Variants in TRHDE observed in about 807,000 individuals in gnomAD.
TRHDE encodes thyrotropin releasing hormone degrading enzyme, also known as thyrotropin-releasing hormone-degrading ectoenzyme.
TRHDE carries 72 observed loss-of-function variants against 125.7 expected under a neutral mutation model. The observed-to-expected ratio is 0.57, with a 90% CI of 0.47 to 0.70. The LOEUF (loss-of-function observed/expected upper bound fraction) is 0.70, where lower values mean the gene tolerates loss of function less well. Among genes scored for constraint, TRHDE ranks in the 30% least tolerant of loss-of-function variants. The pLI, the probability that TRHDE is intolerant of heterozygous loss-of-function variation, is 0.00. For missense variants in TRHDE, 1,110 were observed against 1,327.1 expected, an observed-to-expected ratio of 0.84 and a Z score of 2.54; for synonymous variants, 509 against 509.1, an observed-to-expected ratio of 1.00 and a Z score of 0.00.
intron 1 of TRHDE, among the ~76,000 whole-genome samples, chr12:72,096,341 G>C (rs1043635060): frequency 6.6e-6 from 1 of 152,106 alleles, no homozygotes; most frequent in Non-Finnish European, 1.5e-5. Context: ...ACACAAAGAG[G>C]CTTCTCTTTT....
At chr12:72,552,095 A>G (rs1402426593) in intron 7 of TRHDE, among the ~76,000 whole-genome samples, 1 of 152,170 alleles carries the variant, frequency 6.6e-6, no homozygotes. Flanking sequence ...GTCTGTGCTA[A>G]GAAGATTCCA....
At chr12:72,239,053 G>A (rs1878421188) in intron 2 of TRHDE, among the ~76,000 whole-genome samples, 1 of 152,156 alleles carries the variant, frequency 6.6e-6, no homozygotes, top group Admixed American at 6.5e-5. Context: ...TCCAGCATCT[G>A]TTGTTTCCTG....
chr12:72,191,893 C>G (rs1877348197), intron 2 of TRHDE, among the ~76,000 whole-genome samples: 1 of 152,016 alleles, frequency 6.6e-6, no homozygotes. Flanking sequence ...AAACAGAATC[C>G]TCCCACTGAA....
chr12:72,274,349 T>C (rs1218773751), intron 1 of TRHDE, among the ~76,000 whole-genome samples: 1 of 152,232 alleles, frequency 6.6e-6, no homozygotes, highest in Admixed American at 6.5e-5. Context: ...TTAGTGTCTT[T>C]GCCGCGTTTT....
Position 72,378,107 on chromosome 12 carries a change from C to A in TRHDE, c.1301C>A (p.Ser434Tyr). ...GAAGACTACTTTAAAGTGCCCTATT[C>A]CTTGCCAAAACTAGGTAAGAATTTT... ...FYEDYFKVPYSLPKLDLLAVP... is the reference protein window; with the variant it reads ...FYEDYFKVPYYLPKLDLLAVP... The change falls in exon 3 of 19, where the codon TCC (serine) becomes TAC (tyrosine). Residue 434 changes from serine (S) to tyrosine (Y), a missense_variant. Transcript: ENST00000261180. 6.3e-7 allele frequency: 1 copy of A among 1,576,558 alleles called. No homozygotes were observed. Among genetic ancestry groups the A allele is most frequent in the South Asian group, 1.2e-5 (1 of 83,056 alleles).
At position 72,630,522 on chromosome 12, in the gene TRHDE, A is replaced by T. The variant is rs186830810; in HGVS notation, c.2675+8771A>T. 3.9e-3 allele frequency among the ~76,000 whole-genome samples: 597 copies of T among 151,860 alleles called. 13 individuals carry two copies. Among genetic ancestry groups the T allele is most frequent in the Admixed American group, 0.031 (467 of 15,196 alleles). The stretch of plus-strand genomic sequence containing the variant: ...GATTTCAAGCCACCAAGTTTATGGT[A>T]ATTTATTTGGCAGCTCTAGAAAACT... On this transcript the variant is annotated intron_variant, in intron 15 of 18. Coordinates refer to ENST00000261180, the MANE Select transcript of TRHDE (RefSeq NM_013381.3).
chr12:72,379,340 T>G (rs1261382824), intron 3 of TRHDE, among the ~76,000 whole-genome samples: 1 of 152,250 alleles, frequency 6.6e-6, no homozygotes, highest in East Asian at 1.9e-4. Flanking sequence ...AAATTTTATT[T>G]TAAACCGGAT....
rs1874522724 is a variant in TRHDE at position 72,651,930 on chromosome 12, C to T, written c.2676-392C>T. ...CGTTCTATCCAAATTAATTAGTGTC[C>T]TCAACTGGTACTTTCTTGACATTCT... On this transcript the variant is annotated intron_variant, in intron 15 of 18. Coordinates refer to ENST00000261180, the MANE Select transcript of TRHDE (RefSeq NM_013381.3). Among the ~76,000 whole-genome samples, 3 of 151,782 alleles carry T rather than the reference C, an allele frequency of 2.0e-5. No individual in the cohort carries two copies. The South Asian group carries it at 6.2e-4, about 31-fold the overall frequency.
intron 7 of TRHDE, among the ~76,000 whole-genome samples, chr12:72,544,530 C>G (rs1869315580): frequency 6.6e-6 from 1 of 151,170 alleles, no homozygotes; most frequent in Non-Finnish European, 1.5e-5. Context: ...TGTTTTTATT[C>G]TCCCCCCTTT....
chr12:72,480,513 A>G (rs1231925123), intron 5 of TRHDE, among the ~76,000 whole-genome samples: 1 of 152,186 alleles, frequency 6.6e-6, no homozygotes, highest in African/African-American at 2.4e-5. Context: ...GAGATTTAAA[A>G]TGAATGAGTA....
rs1430894789 is a variant in TRHDE, at chr12:72,666,859, C to A, written c.*3664C>A. On this transcript the variant is annotated 3_prime_UTR_variant, in exon 19 of 19. Coordinates refer to ENST00000261180, the MANE Select transcript of TRHDE (RefSeq NM_013381.3). ...AAATATTGGGACAAATAATTTAATT[C>A]ATTTAGTTTATTAATTATATTTCCT... 1 of 151,834 alleles carries A rather than the reference C, an allele frequency of 6.6e-6. No homozygotes were observed. Among genetic ancestry groups the A allele is most frequent in the Non-Finnish European group, 1.5e-5 (1 of 67,912 alleles). The allele number at this position is 151,834 out of a possible 1,614,324, so 9.4% of individuals were successfully genotyped here.
intron 2 of TRHDE, among the ~76,000 whole-genome samples, chr12:72,245,152 A>C (rs367690511): frequency 6.6e-5 from 10 of 152,124 alleles, no homozygotes; most frequent in Middle Eastern, 3.4e-3. Context: ...ATATCTCATT[A>C]GTTGTGCGGC....
chr12:72,495,060 GTTTTTTTTTTTTT>G (rs751243542), intron 5 of TRHDE, among the ~76,000 whole-genome samples: 1 of 58,390 alleles, frequency 1.7e-5, no homozygotes, highest in African/African-American at 7.4e-5. Flanking sequence ...TTCCTCCCCC[GTTTTTTTTTTTTT>G]TTTTTTTTTT....
chr12:72,147,035 T>A, intron 2 of TRHDE, among the ~76,000 whole-genome samples: 1 of 152,108 alleles, frequency 6.6e-6, no homozygotes, highest in Non-Finnish European at 1.5e-5. Context: ...ACGTCACTCT[T>A]CTCTCTTTCT....
At chr12:72,652,580 A>G in intron 16 of TRHDE, 91 bp downstream of exon 16, 1 of 910,690 alleles carries the variant, frequency 1.1e-6, no homozygotes. Context: ...ACTTGAATAT[A>G]TGCTAGTTAT....
intron 2 of TRHDE, among the ~76,000 whole-genome samples, chr12:72,236,102 C>G (rs1019521365): frequency 6.6e-6 from 1 of 152,066 alleles, no homozygotes; most frequent in Non-Finnish European, 1.5e-5. Context: ...TTTTACTGAC[C>G]ATAACTAGTT....
chr12:72,584,288 A>G (rs1368385401), intron 12 of TRHDE, among the ~76,000 whole-genome samples: 3 of 152,108 alleles, frequency 2.0e-5, no homozygotes, highest in Non-Finnish European at 4.4e-5. Context: ...TTCAATTGAC[A>G]TAATATTTTA....
intron 2 of TRHDE, among the ~76,000 whole-genome samples, chr12:72,135,909 A>G (rs140978120): frequency 9.5e-4 from 144 of 152,028 alleles, no homozygotes; most frequent in South Asian, 2.5e-3. Context: ...TGGGCAGCTC[A>G]GTAATGGATA....
intron 2 of TRHDE, among the ~76,000 whole-genome samples, chr12:72,231,995 T>C (rs549199655): frequency 6.6e-6 from 1 of 152,324 alleles, no homozygotes; most frequent in East Asian, 1.9e-4. Context: ...ATTTGTAAAT[T>C]GTCTACTGGC....
Sources: allele counts gnomAD v4.1 joint callset (sites outside exome capture counted in the v4.1 genomes callset), GRCh38; gene constraint gnomAD v4.1.1; transcripts MANE v1.5; gene names NCBI Gene and HGNC (gene_info 2026-07-23, HGNC 2026-07-21).